Variants in SHISA6 observed in about 807,000 individuals in gnomAD.
SHISA6 encodes protein shisa-6.
Under a neutral mutation model 47.9 loss-of-function variants are expected in SHISA6, and 22 were observed. The ratio of observed to expected loss-of-function variants is 0.46; its 90% CI spans 0.33 to 0.66. The LOEUF (loss-of-function observed/expected upper bound fraction) is 0.66, where lower values mean the gene tolerates loss of function less well. Ranked by LOEUF, SHISA6 falls within the 30% of genes least tolerant of loss-of-function variation. The pLI is 0.02. For synonymous variants in SHISA6, 388 were observed against 337.8 expected, an observed-to-expected ratio of 1.15 and a Z score of -1.63; for missense variants, 680 against 764.6, an observed-to-expected ratio of 0.89 and a Z score of 1.30.
At position 11,288,668 on chromosome 17, in the gene SHISA6, A is replaced by G. The variant is rs1172108805; in HGVS notation, c.799+25142A>G. 2.0e-5 allele frequency: 3 copies of G among 152,200 alleles called. 1 individual carries two copies. The highest frequency in any genetic ancestry group is 4.1e-4 in the South Asian group (2 of 4,834). The allele number at this position is 152,200 out of a possible 1,614,324, so 9.4% of individuals were successfully genotyped here. On this transcript the variant is annotated intron_variant, in intron 2 of 5. Transcript: ENST00000441885. ...TTTAGAATAAGATTCTACTTTACAC[A>G]GTATTCCTGTTGTGAATTCTGTCAT...
chr17:11,242,167 T>C, intron 1 of SHISA6, 107 bp downstream of exon 1: 1 of 1,396,618 alleles, frequency 7.2e-7, no homozygotes, highest in South Asian at 1.3e-5. Context: ...CCCCAGGCCC[T>C]CTAGTCATTT....
intron 3 of SHISA6, among the ~76,000 whole-genome samples, chr17:11,396,753 G>T (rs1048521096): frequency 1.3e-5 from 2 of 152,120 alleles, no homozygotes; most frequent in Non-Finnish European, 2.9e-5. Flanking sequence ...GGGTTGGGGG[G>T]CAAGGGAAGG....
At chr17:11,285,247 G>A (rs1205410062) in intron 2 of SHISA6, among the ~76,000 whole-genome samples, 2 of 152,176 alleles carry the variant, frequency 1.3e-5, no homozygotes, top group East Asian at 3.9e-4. Flanking sequence ...TTGGGATTAG[G>A]TTTGCACATC....
chr17:11,414,033 T>C (rs1356700314), intron 3 of SHISA6, among the ~76,000 whole-genome samples: 1 of 151,752 alleles, frequency 6.6e-6, no homozygotes, highest in Admixed American at 6.6e-5. Context: ...CCTTTTCCTC[T>C]TCTCCTCTCT....
intron 2 of SHISA6, among the ~76,000 whole-genome samples, chr17:11,335,017 C>G (rs1911270088): frequency 6.6e-6 from 1 of 152,170 alleles, no homozygotes; most frequent in Admixed American, 6.5e-5. Flanking sequence ...AGGCTGGCAA[C>G]TTATTCAGTG....
chr17:11,379,882 T>A, intron 3 of SHISA6: 1 of 239,928 alleles, frequency 4.2e-6, no homozygotes, highest in South Asian at 4.8e-5. Context: ...GAAAGCTACA[T>A]TTTATAAACC....
At chr17:11,369,020 G>A (rs1252210471) in intron 2 of SHISA6, among the ~76,000 whole-genome samples, 1 of 152,154 alleles carries the variant, frequency 6.6e-6, no homozygotes, top group African/African-American at 2.4e-5. Flanking sequence ...CCATTTTACA[G>A]ATGAAGATAA....
At chr17:11,534,677 T>C (rs553659660) in intron 3 of SHISA6, among the ~76,000 whole-genome samples, 1 of 152,242 alleles carries the variant, frequency 6.6e-6, no homozygotes, top group East Asian at 1.9e-4. Flanking sequence ...GATAAGGTGT[T>C]GTTTTAGAGG....
chr17:11,398,622 C>T (rs1913657922), intron 3 of SHISA6, among the ~76,000 whole-genome samples: 1 of 151,792 alleles, frequency 6.6e-6, no homozygotes, highest in African/African-American at 2.4e-5. Flanking sequence ...TTGACAGACT[C>T]TCGCTCTGTT....
intron 2 of SHISA6, among the ~76,000 whole-genome samples, chr17:11,301,601 G>A (rs1429515913): frequency 3.3e-5 from 5 of 152,140 alleles, no homozygotes; most frequent in Admixed American, 2.6e-4. Flanking sequence ...CCTCCTTGCC[G>A]TTCCCCTCCT....
At position 11,430,524 on chromosome 17, in the gene SHISA6, G is replaced by A. The variant is rs184617911; in HGVS notation, c.895+51015G>A. Among the ~76,000 whole-genome samples the A allele has an allele frequency of 2.0e-5, 3 of 152,272 alleles. No homozygotes were observed. The East Asian group carries it at 5.8e-4, about 29-fold the overall frequency. On this transcript the variant is annotated intron_variant, in intron 3 of 5. Transcript: ENST00000441885. The stretch of plus-strand genomic sequence containing the variant: ...TTGGAGTCATGGGGGGTTTGGAGGT[G>A]TTTGTTACTCCAGCATAATCCACCC...
At chr17:11,346,806 CTGA>C (rs1435350853) in intron 2 of SHISA6, among the ~76,000 whole-genome samples, 1 of 152,154 alleles carries the variant, frequency 6.6e-6, no homozygotes, top group Admixed American at 6.6e-5. Context: ...ACTCAACAAA[CTGA>C]TGATGACATA....
chr17:11,380,665 GC>G (rs1912978558), intron 3 of SHISA6, among the ~76,000 whole-genome samples: 1 of 152,206 alleles, frequency 6.6e-6, no homozygotes, highest in Non-Finnish European at 1.5e-5. Flanking sequence ...CTCAAACTTA[GC>G]GTTTTAAAAC....
intron 3 of SHISA6, among the ~76,000 whole-genome samples, chr17:11,448,566 C>T (rs945664242): frequency 6.6e-6 from 1 of 151,834 alleles, no homozygotes; most frequent in African/African-American, 2.4e-5. Context: ...TGGTGTCTCA[C>T]ACCTATAATC....
At chr17:11,369,891 G>A (rs986175629) in intron 2 of SHISA6, among the ~76,000 whole-genome samples, 1 of 152,180 alleles carries the variant, frequency 6.6e-6, no homozygotes, top group African/African-American at 2.4e-5. Context: ...AGCCTTTTGC[G>A]TTGTTTTCTC....
intron 3 of SHISA6, among the ~76,000 whole-genome samples, chr17:11,539,184 C>T (rs774864419): frequency 6.6e-5 from 10 of 152,164 alleles, no homozygotes; most frequent in Admixed American, 1.3e-4. Context: ...TCAGGTGATC[C>T]ACCCGCCTTG....
intron 2 of SHISA6, among the ~76,000 whole-genome samples, chr17:11,356,277 C>A (rs1912076101): frequency 1.3e-5 from 2 of 152,280 alleles, no homozygotes; most frequent in South Asian, 4.1e-4. Flanking sequence ...AAGTTAGAAG[C>A]AGCATGCAGG....
chr17:11,557,998 G>T lies in SHISA6; in HGVS notation c.1350G>T (p.Glu450Asp). 1 of 1,551,482 alleles carries T rather than the reference G, an allele frequency of 6.4e-7. No individual in the cohort carries two copies. The highest frequency in any genetic ancestry group is 8.7e-7 in the Non-Finnish European group (1 of 1,146,942). ...CCGACGAGCAGCTGCTCTCCACGGA[G>T]CGCCTGCACTCCCAGGACCCGCTGC... ...ILSDEQLLST[E>D]RLHSQDPLLS... Residue 450 changes from glutamate to aspartate, a missense_variant, in exon 6 of 6, where the codon GAG becomes GAT. Glu to Asp is a conservative substitution (Grantham distance 45, BLOSUM62 2). Coordinates refer to ENST00000441885, the MANE Select transcript of SHISA6 (RefSeq NM_207386.4).
intron 3 of SHISA6, among the ~76,000 whole-genome samples, chr17:11,500,698 T>G (rs1159755016): frequency 6.6e-6 from 1 of 152,160 alleles, no homozygotes; most frequent in East Asian, 1.9e-4. Flanking sequence ...TCAAATGAAA[T>G]CCCATTAAAA....
Sources: allele counts gnomAD v4.1 joint callset (sites outside exome capture counted in the v4.1 genomes callset), GRCh38; gene constraint gnomAD v4.1.1; transcripts MANE v1.5; gene names NCBI Gene and HGNC (gene_info 2026-07-23, HGNC 2026-07-21).